Variants in KIF6 observed in about 807,000 individuals in gnomAD.
KIF6 encodes the protein kinesin family member 6.
A neutral mutation model predicts 112.7 loss-of-function variants in KIF6; 106 were observed. That is an observed-to-expected ratio of 0.94 (90% CI 0.80 to 1.11). The LOEUF is 1.11. Among genes scored for constraint, KIF6 ranks in the 50% least tolerant of loss-of-function variants. The pLI is 0.00. For missense variants in KIF6, 929 were observed against 964.0 expected, an observed-to-expected ratio of 0.96 and a Z score of 0.48; for synonymous variants, 339 against 339.9, an observed-to-expected ratio of 1.00 and a Z score of 0.03.
intron 15 of KIF6, among the ~76,000 whole-genome samples, chr6:39,404,085 T>A (rs1768910857): frequency 6.6e-6 from 1 of 152,228 alleles, no homozygotes; most frequent in South Asian, 2.1e-4. Flanking sequence ...CTTTGTGAGA[T>A]ATGATATCTG....
intron 10 of KIF6, among the ~76,000 whole-genome samples, chr6:39,552,437 C>T (rs1779439596): frequency 2.0e-5 from 3 of 152,150 alleles, no homozygotes; most frequent in Admixed American, 2.0e-4. Context: ...CACTCTTTCA[C>T]AGATGGGAAT....
intron 13 of KIF6, among the ~76,000 whole-genome samples, chr6:39,495,525 A>G (rs1775733928): frequency 6.6e-6 from 1 of 152,148 alleles, no homozygotes; most frequent in African/African-American, 2.4e-5. Flanking sequence ...GCCTTATCCC[A>G]GCTTTCCTTA....
chr6:39,453,273 T>C lies in KIF6; in HGVS notation c.1646-22112A>G, dbSNP rs141223179. ...TCAAAAGACAAATTTTATTCTCCGA[T>C]GTCTGGGGTGTATTAACACTGCCCA... On this transcript the variant is annotated intron_variant, in intron 13 of 22. Coordinates refer to ENST00000287152, the MANE Select transcript of KIF6 (RefSeq NM_145027.6). Among the ~76,000 whole-genome samples the C allele has an allele frequency of 1.9e-3, 297 of 152,354 alleles. 3 individuals are homozygous for C. The highest frequency in any genetic ancestry group is 7.0e-3 in the African/African-American group (291 of 41,588).
chr6:39,679,482 G>C (rs926329411), intron 3 of KIF6, among the ~76,000 whole-genome samples: 2 of 152,118 alleles, frequency 1.3e-5, no homozygotes, highest in African/African-American at 4.8e-5. Context: ...GGCTTCTTCT[G>C]AAATTCCCTT....
chr6:39,454,332 C>T (rs1249963839), intron 13 of KIF6, among the ~76,000 whole-genome samples: 1 of 151,826 alleles, frequency 6.6e-6, no homozygotes, highest in Non-Finnish European at 1.5e-5. Flanking sequence ...GTAATAAGAT[C>T]CAACACATGT....
At chr6:39,641,704 A>G (rs1306810184) in intron 3 of KIF6, among the ~76,000 whole-genome samples, 7 of 152,084 alleles carry the variant, frequency 4.6e-5, no homozygotes, top group Admixed American at 4.6e-4. Context: ...TACAGAGCAC[A>G]AATTAATATT....
chr6:39,446,637 G>T (rs1379153760), intron 13 of KIF6, among the ~76,000 whole-genome samples: 2 of 152,004 alleles, frequency 1.3e-5, no homozygotes, highest in African/African-American at 4.8e-5. Context: ...GGGACTACAG[G>T]TGCCACCAGG....
intron 15 of KIF6, among the ~76,000 whole-genome samples, chr6:39,411,776 C>T (rs1769490592): frequency 6.6e-6 from 1 of 152,218 alleles, no homozygotes; most frequent in African/African-American, 2.4e-5. Flanking sequence ...TCTCTCCAAA[C>T]TCTTTACTTC....
chr6:39,703,593 A>G (rs960719334), intron 3 of KIF6, among the ~76,000 whole-genome samples: 3 of 152,228 alleles, frequency 2.0e-5, no homozygotes, highest in African/African-American at 7.2e-5. Context: ...ATTACACTAA[A>G]AATTCTGACC....
chr6:39,344,258 G>A (rs1411513860), intron 21 of KIF6, among the ~76,000 whole-genome samples: 1 of 152,120 alleles, frequency 6.6e-6, no homozygotes, highest in African/African-American at 2.4e-5. Context: ...CATGTAAGAC[G>A]TGCCTTTCAC....
At chr6:39,599,223 A>C (rs1782449040) in intron 6 of KIF6, among the ~76,000 whole-genome samples, 1 of 152,234 alleles carries the variant, frequency 6.6e-6, no homozygotes, top group African/African-American at 2.4e-5. Context: ...TCTCAACAAA[A>C]AAACTAAAAA....
intron 11 of KIF6, among the ~76,000 whole-genome samples, chr6:39,545,276 A>G (rs927911246): frequency 6.6e-6 from 1 of 152,240 alleles, no homozygotes; most frequent in Non-Finnish European, 1.5e-5. Flanking sequence ...CTGAAAAAAT[A>G]CAGAATGCAA....
chr6:39,552,132 C>T (rs1779421762), intron 10 of KIF6, among the ~76,000 whole-genome samples: 1 of 152,220 alleles, frequency 6.6e-6, no homozygotes, highest in Non-Finnish European at 1.5e-5. Context: ...AATACATACA[C>T]ATCTTTTCAG....
intron 7 of KIF6, among the ~76,000 whole-genome samples, chr6:39,591,676 G>A (rs752265060): frequency 6.6e-6 from 1 of 152,220 alleles, no homozygotes; most frequent in African/African-American, 2.4e-5. Context: ...TGGAGCAGAT[G>A]TAAAACTTTG....
intron 16 of KIF6, among the ~76,000 whole-genome samples, chr6:39,370,780 C>G (rs1010941749): frequency 6.6e-6 from 1 of 151,830 alleles, no homozygotes; most frequent in Non-Finnish European, 1.5e-5. Flanking sequence ...CGAGAGACCA[C>G]GCAGAAAGTT....
chr6:39,602,893 T>C (rs886455354), intron 6 of KIF6, among the ~76,000 whole-genome samples: 97 of 152,178 alleles, frequency 6.4e-4, no homozygotes, highest in Admixed American at 1.3e-3. Flanking sequence ...TCTTCATGAA[T>C]TCCCTGGAAC....
At chr6:39,359,511 T>G (rs943637079) in intron 18 of KIF6, among the ~76,000 whole-genome samples, 26 of 152,284 alleles carry the variant, frequency 1.7e-4, no homozygotes, top group African/African-American at 6.0e-4. Flanking sequence ...GATAATAACA[T>G]GAAAAAGTAG....
At chr6:39,522,412 C>A (rs1240133083) in intron 13 of KIF6, among the ~76,000 whole-genome samples, 1 of 152,148 alleles carries the variant, frequency 6.6e-6, no homozygotes, top group Admixed American at 6.5e-5. Flanking sequence ...TCCTACCCAC[C>A]TAATTTCTTC....
intron 10 of KIF6, among the ~76,000 whole-genome samples, chr6:39,552,921 T>G (rs1779467645): frequency 6.6e-6 from 1 of 152,050 alleles, no homozygotes; most frequent in Non-Finnish European, 1.5e-5. Context: ...AACTACACAA[T>G]CCACCAAGGA....
Sources: gnomAD v4.1 joint callset for allele counts (sites outside exome capture counted in the v4.1 genomes callset) on GRCh38, gnomAD v4.1.1 for gene constraint, MANE v1.5 for transcripts, NCBI Gene and HGNC (gene_info 2026-07-23, HGNC 2026-07-21) for gene names.